The following ANK3 variants were observed in gnomAD, a reference collection of about 807,000 sequenced individuals.
ANK3 encodes the protein ankyrin 3.
ANK3 carries 57 observed loss-of-function variants against 370.9 expected under a neutral mutation model. That is an observed-to-expected ratio of 0.15 (90% confidence interval 0.12 to 0.19). ANK3 has a LOEUF of 0.19. Ranked by LOEUF, ANK3 falls within the 10% of genes least tolerant of loss-of-function variation. The pLI, the probability that ANK3 is intolerant of heterozygous loss-of-function variation, is 1.00. For synonymous variants in ANK3, 1,929 were observed against 1,946.3 expected (o/e 0.99, Z 0.23); for missense variants, 4,439 against 5,302.1 (o/e 0.84, Z 5.06).
intron 2 of ANK3, among the ~76,000 whole-genome samples, chr10:60,552,798 T>C (rs1250821307): frequency 6.6e-6 from 1 of 152,202 alleles, no homozygotes; most frequent in Non-Finnish European, 1.5e-5. Context: ...TTCCCACATG[T>C]TGTGGGACGG....
At chr10:60,358,381 C>T (rs966381862) in intron 1 of ANK3, among the ~76,000 whole-genome samples, 3 of 152,084 alleles carry the variant, frequency 2.0e-5, no homozygotes, top group African/African-American at 7.2e-5. Context: ...GTTGGCCACA[C>T]CCTCCTTCAC....
intron 23 of ANK3, among the ~76,000 whole-genome samples, chr10:60,161,410 A>C (rs1223908525): frequency 6.6e-6 from 1 of 152,160 alleles, no homozygotes; most frequent in Non-Finnish European, 1.5e-5. Flanking sequence ...AAAGAAAATC[A>C]GTATTTCAAA....
intron 2 of ANK3, among the ~76,000 whole-genome samples, chr10:60,446,402 G>A (rs187105399): frequency 1.3e-5 from 2 of 152,270 alleles, no homozygotes; most frequent in East Asian, 1.9e-4. Context: ...ATTCTGGGTA[G>A]TGCCTGATAT....
At chr10:60,488,186 T>C (rs2075399153) in intron 2 of ANK3, among the ~76,000 whole-genome samples, 1 of 152,202 alleles carries the variant, frequency 6.6e-6, no homozygotes, top group African/African-American at 2.4e-5. Context: ...AGATGCCATT[T>C]GGATTTTCTT....
intron 8 of ANK3, among the ~76,000 whole-genome samples, chr10:60,229,874 C>T (rs545184272): frequency 3.3e-4 from 50 of 152,126 alleles, no homozygotes; most frequent in Non-Finnish European, 5.9e-4. Context: ...AAGATGACCA[C>T]GTGCATCTTA....
intron 5 of ANK3, among the ~76,000 whole-genome samples, chr10:60,269,913 T>C (rs2097942887): frequency 1.3e-5 from 2 of 152,142 alleles, no homozygotes; most frequent in African/African-American, 2.4e-5. Context: ...AATTATAGCA[T>C]AGAATCGGGC....
At position 60,072,629 on chromosome 10, in the gene ANK3, A is replaced by G. The variant is rs746925948; in HGVS notation, c.8252T>C (p.Ile2751Thr). ...GTAGACGGGTAGCTTGCTCTCCTGT[A>G]TTTTTTTAACTGGGATTCTGGACTG... is the stretch of plus-strand genomic sequence containing the variant. ...DGQSRIPVKKIQESKLPVYQV... is the reference protein window; with the variant it reads ...DGQSRIPVKKTQESKLPVYQV... Residue 2751 changes from isoleucine (I) to threonine (T), a missense_variant, in exon 37 of 44, where the codon ATA (isoleucine) becomes ACA (threonine). Transcript: ENST00000280772. 2 of 1,613,826 alleles carry G rather than the reference A, an allele frequency of 1.2e-6. No individual in the cohort carries two copies. The highest frequency in any genetic ancestry group is 1.7e-6 in the Non-Finnish European group (2 of 1,179,932).
chr10:60,362,126 C>T (rs1038713340), intron 1 of ANK3, among the ~76,000 whole-genome samples: 2 of 152,046 alleles, frequency 1.3e-5, no homozygotes, highest in African/African-American at 2.4e-5. Flanking sequence ...TCAGGATGTC[C>T]TATGTGGTCA....
intron 16 of ANK3, among the ~76,000 whole-genome samples, chr10:60,190,992 T>C (rs1309017797): frequency 6.6e-6 from 1 of 151,960 alleles, no homozygotes; most frequent in African/African-American, 2.4e-5. Context: ...GAAAAGGACA[T>C]CCTATTCAAT....
At chr10:60,592,570 G>A (rs1250195615) in intron 2 of ANK3, among the ~76,000 whole-genome samples, 2 of 152,148 alleles carry the variant, frequency 1.3e-5, no homozygotes, top group Admixed American at 6.5e-5. Context: ...GACCAGCCTG[G>A]CCAACATGGT....
intron 2 of ANK3, among the ~76,000 whole-genome samples, chr10:60,404,551 A>G (rs1658805318): frequency 6.6e-6 from 1 of 152,186 alleles, no homozygotes; most frequent in South Asian, 2.1e-4. Context: ...CTCAACTCCT[A>G]CTTTACACAC....
intron 2 of ANK3, among the ~76,000 whole-genome samples, chr10:60,453,745 GACACAC>G (rs748790010): frequency 6.6e-6 from 1 of 150,582 alleles, no homozygotes; most frequent in African/African-American, 2.4e-5. Flanking sequence ...CACACAGACA[GACACAC>G]ACACACACAC....
intron 1 of ANK3, among the ~76,000 whole-genome samples, chr10:60,301,054 A>C (rs1037658391): frequency 2.6e-5 from 4 of 151,062 alleles, no homozygotes; most frequent in African/African-American, 9.7e-5. Flanking sequence ...TTAAAAATAC[A>C]GCACTATGCC....
intron 2 of ANK3, among the ~76,000 whole-genome samples, chr10:60,595,451 A>C (rs1214278302): frequency 1.3e-5 from 2 of 152,144 alleles, no homozygotes; most frequent in South Asian, 4.1e-4. Context: ...TGGGGCCACA[A>C]GACAAGATGA....
At chr10:60,188,544 A>G (rs1401194433) in intron 16 of ANK3, among the ~76,000 whole-genome samples, 1 of 152,190 alleles carries the variant, frequency 6.6e-6, no homozygotes, top group Non-Finnish European at 1.5e-5. Context: ...ATGTGGAAGG[A>G]TCACAAACAA....
intron 2 of ANK3, among the ~76,000 whole-genome samples, chr10:60,408,398 T>C (rs1008900089): frequency 2.6e-5 from 4 of 152,096 alleles, no homozygotes; most frequent in Admixed American, 1.3e-4. Context: ...GATCCGGTTG[T>C]TTAAAAGCGT....
intron 2 of ANK3, among the ~76,000 whole-genome samples, chr10:60,538,901 T>C (rs1188994965): frequency 6.6e-6 from 1 of 151,950 alleles, no homozygotes; most frequent in Non-Finnish European, 1.5e-5. Flanking sequence ...AATGAAAATA[T>C]TTAGCCTATG....
intron 1 of ANK3, among the ~76,000 whole-genome samples, chr10:60,318,021 A>G (rs958890126): frequency 2.2e-4 from 33 of 152,180 alleles, no homozygotes; most frequent in Non-Finnish European, 4.6e-4. Flanking sequence ...AAAATACACA[A>G]ATGCTCCAAA....
intron 2 of ANK3, among the ~76,000 whole-genome samples, chr10:60,441,335 C>T (rs1268976309): frequency 6.6e-6 from 1 of 152,000 alleles, no homozygotes; most frequent in African/African-American, 2.4e-5. Context: ...GATTGTTATC[C>T]TAATACACTT....
Sources: allele counts gnomAD v4.1 joint callset (sites outside exome capture counted in the v4.1 genomes callset), GRCh38; gene constraint gnomAD v4.1.1; transcripts MANE v1.5; gene names NCBI Gene and HGNC (gene_info 2026-07-23, HGNC 2026-07-21).